The following FMN1 variants were observed in gnomAD, a reference collection of about 807,000 sequenced individuals.
FMN1 encodes formin 1.
A neutral mutation model predicts 132.4 loss-of-function variants in FMN1; 110 were observed. The ratio of observed to expected loss-of-function variants is 0.83; its 90% CI spans 0.71 to 0.97. The LOEUF (loss-of-function observed/expected upper bound fraction) is 0.97, where lower values mean the gene tolerates loss of function less well. FMN1 is among the 50% of genes least tolerant of loss of function. The probability of loss-of-function intolerance (pLI) is 0.00; values close to 1 mark genes in which losing one functional copy is unlikely to be tolerated. For missense variants in FMN1, 1,792 were observed against 1,705.3 expected, an observed-to-expected ratio of 1.05 and a Z score of -0.90; for synonymous variants, 722 against 651.7, an observed-to-expected ratio of 1.11 and a Z score of -1.64.
At chr15:33,064,933 G>A (rs767880297) in intron 6 of FMN1, 24 bp downstream of exon 6, 1 of 1,522,640 alleles carries the variant, frequency 6.6e-7, no homozygotes, top group African/African-American at 1.4e-5. Context: ...TCATTCCCGG[G>A]TCCCTAGCTT....
At chr15:33,043,132 A>G (rs1347751816) in intron 6 of FMN1, among the ~76,000 whole-genome samples, 1 of 152,220 alleles carries the variant, frequency 6.6e-6, no homozygotes, top group Non-Finnish European at 1.5e-5. Flanking sequence ...GGTTAGCGCT[A>G]TGTAGTACAA....
In FMN1 at chr15:32,908,597, CA is replaced by C. The variant is rs2060483482; in HGVS notation, c.3289-20del. 1 of 446,234 alleles carries C rather than the reference CA, an allele frequency of 2.2e-6. No homozygotes were observed. Among genetic ancestry groups the C allele is most frequent in the Non-Finnish European group, 3.1e-6 (1 of 322,258 alleles). 27.6% of individuals were successfully genotyped at this position (446,234 alleles called of 1,614,324 possible). On this transcript the variant is annotated intron_variant, in intron 11 of 20. Coordinates refer to ENST00000616417, the MANE Select transcript of FMN1 (RefSeq NM_001277313.2). ...GGGCTCTCTGTATCAAAATAGAAAACAAAACCAAAAAAAAAAAAAAAAAAAA... is the reference window on the plus strand; with the variant it reads ...GGGCTCTCTGTATCAAAATAGAAAACAAACCAAAAAAAAAAAAAAAAAAAA...
At chr15:32,839,625 G>C (rs2058702123) in intron 17 of FMN1, among the ~76,000 whole-genome samples, 1 of 152,056 alleles carries the variant, frequency 6.6e-6, no homozygotes, top group Non-Finnish European at 1.5e-5. Flanking sequence ...TGAGACAAGA[G>C]ACTCAGACTT....
chr15:33,139,936 A>T (rs1963937022), intron 4 of FMN1, among the ~76,000 whole-genome samples: 1 of 152,172 alleles, frequency 6.6e-6, no homozygotes, highest in Admixed American at 6.5e-5. Context: ...TTTTTTAAAA[A>T]AGATATGAAA....
chr15:33,139,141 C>T (rs1268134604), intron 4 of FMN1, among the ~76,000 whole-genome samples: 4 of 152,208 alleles, frequency 2.6e-5, no homozygotes, highest in East Asian at 1.9e-4. Flanking sequence ...AACTTCACCT[C>T]TTAATCCATA....
intron 4 of FMN1, among the ~76,000 whole-genome samples, chr15:33,101,885 C>T (rs1426819214): frequency 2.0e-5 from 3 of 152,088 alleles, no homozygotes; most frequent in Non-Finnish European, 4.4e-5. Context: ...ATAGGTATCC[C>T]GGCTTCCAGC....
chr15:32,839,918 C>G (rs1295393689), intron 17 of FMN1, among the ~76,000 whole-genome samples: 1 of 107,844 alleles, frequency 9.3e-6, no homozygotes, highest in African/African-American at 3.6e-5. Context: ...GAACTGTATA[C>G]TTGATGGGAG....
rs1342306457 is a variant in FMN1 at position 32,771,082 on chromosome 15, CTGA to C, written c.*3225_*3227del. On this transcript the variant is annotated 3_prime_UTR_variant, in exon 21 of 21. Transcript: ENST00000616417. ...ACCTGGTTTTTGATACTTCATGGGC[CTGA>C]TGCTTTTTTTTTTGAAACGGAGTCT... 3 of 146,606 alleles carry C rather than the reference CTGA, an allele frequency of 2.0e-5. No homozygotes were observed. The East Asian group carries it at 6.1e-4, about 30-fold the overall frequency. The allele number at this position is 146,606 out of a possible 1,614,324, so 9.1% of individuals were successfully genotyped here. A position where few individuals can be genotyped will look rare whatever the true frequency, so the allele number is the denominator to read the frequency against.
chr15:32,780,337 T>C (rs2056623633), intron 19 of FMN1, among the ~76,000 whole-genome samples: 1 of 152,020 alleles, frequency 6.6e-6, no homozygotes, highest in Non-Finnish European at 1.5e-5. Context: ...ACCCAAACTC[T>C]CCAAAACCAA....
At chr15:32,988,344 G>A (rs1217408019) in intron 7 of FMN1, among the ~76,000 whole-genome samples, 1 of 152,116 alleles carries the variant, frequency 6.6e-6, no homozygotes, top group Non-Finnish European at 1.5e-5. Context: ...ATTTGAAATT[G>A]AGCAAAGTAT....
At chr15:32,917,531 T>A (rs1389870997) in intron 10 of FMN1, among the ~76,000 whole-genome samples, 1 of 152,352 alleles carries the variant, frequency 6.6e-6, no homozygotes, top group East Asian at 1.9e-4. Flanking sequence ...GCTTCCTCTG[T>A]ACCAGGCATT....
chr15:33,039,736 T>C (rs1234886812), intron 6 of FMN1, among the ~76,000 whole-genome samples: 4 of 142,880 alleles, frequency 2.8e-5, no homozygotes, highest in Non-Finnish European at 6.2e-5. Context: ...ACCAAGAATA[T>C]CTACTGATTT....
chr15:32,893,860 C>T (rs1315032166), intron 15 of FMN1, among the ~76,000 whole-genome samples: 1 of 152,244 alleles, frequency 6.6e-6, no homozygotes, highest in East Asian at 1.9e-4. Flanking sequence ...TTTCAGCCTT[C>T]CCACACAATG....
At chr15:33,141,809 C>T (rs1226062153) in intron 4 of FMN1, among the ~76,000 whole-genome samples, 1 of 152,066 alleles carries the variant, frequency 6.6e-6, no homozygotes, top group Non-Finnish European at 1.5e-5. Context: ...GATGGAACCT[C>T]AAAATGGCAG....
intron 15 of FMN1, among the ~76,000 whole-genome samples, chr15:32,897,909 G>C (rs2060198763): frequency 7.9e-5 from 12 of 152,132 alleles, no homozygotes; most frequent in Admixed American, 7.9e-4. Flanking sequence ...AGAAGGACAA[G>C]GTTTCATGCC....
intron 6 of FMN1, among the ~76,000 whole-genome samples, chr15:33,058,518 T>G (rs28603193): frequency 0.31 from 47,282 of 152,124 alleles, 7,937 homozygotes; most frequent in Admixed American, 0.36. Flanking sequence ...AACCTCACCT[T>G]AACTTTCCAA....
intron 4 of FMN1, among the ~76,000 whole-genome samples, chr15:33,137,230 G>C (rs560565638): frequency 5.3e-5 from 8 of 152,222 alleles, no homozygotes; most frequent in Non-Finnish European, 1.0e-4. Flanking sequence ...TGAAATTGGT[G>C]GTTCTTATTC....
chr15:32,829,402 G>A (rs769208871), intron 17 of FMN1, among the ~76,000 whole-genome samples: 1 of 152,182 alleles, frequency 6.6e-6, no homozygotes, highest in African/African-American at 2.4e-5. Flanking sequence ...GTTTCTAGCT[G>A]GTGAATAACA....
rs550447244 is a variant in FMN1, at chr15:32,789,355, G to A, written c.4130+9449C>T. ...GAAAGCTTCATGAAGGACACCGTAT[G>A]TGATCAATAAATTTTTCCAGAATAG... On this transcript the variant is annotated intron_variant, in intron 19 of 20. Transcript: ENST00000616417. Among the ~76,000 whole-genome samples the A allele has an allele frequency of 8.7e-4, 133 of 152,326 alleles. 1 individual carries two copies. Among genetic ancestry groups the A allele is most frequent in the African/African-American group, 3.1e-3 (129 of 41,566 alleles).
Sources: allele counts gnomAD v4.1 joint callset (sites outside exome capture counted in the v4.1 genomes callset), GRCh38; gene constraint gnomAD v4.1.1; transcripts MANE v1.5; gene names NCBI Gene and HGNC (gene_info 2026-07-23, HGNC 2026-07-21).